The following NID2 variants were observed in gnomAD, a reference collection of about 807,000 sequenced individuals.
NID2 encodes the protein nidogen-2.
In NID2, 83 loss-of-function variants were observed where a neutral mutation model predicts 145.4. The ratio of observed to expected loss-of-function variants is 0.57; its 90% CI spans 0.48 to 0.69. NID2 has a LOEUF of 0.69. Ranked by LOEUF, NID2 falls within the 30% of genes least tolerant of loss-of-function variation. The pLI is 0.00. For missense variants in NID2, 1,807 were observed against 1,765.7 expected (o/e 1.02, Z -0.42); for synonymous variants, 739 against 701.3 (o/e 1.05, Z -0.85).
intron 2 of NID2, among the ~76,000 whole-genome samples, chr14:52,065,428 A>G (rs1264260872): frequency 6.7e-6 from 1 of 149,066 alleles, no homozygotes; most frequent in Non-Finnish European, 1.5e-5. Flanking sequence ...TTGAAAGAAC[A>G]TCCCCTATCC....
intron 15 of NID2, 84 bp from the exon 16 acceptor site, chr14:52,014,540 G>A (rs1403944695): frequency 6.5e-6 from 9 of 1,375,424 alleles, no homozygotes; most frequent in Non-Finnish European, 7.9e-6. Context: ...CCACATACCA[G>A]AGCCTCCAAA....
At chr14:52,063,325 C>G (rs1566777082) in intron 2 of NID2, among the ~76,000 whole-genome samples, 1 of 152,218 alleles carries the variant, frequency 6.6e-6, no homozygotes, top group Non-Finnish European at 1.5e-5. Flanking sequence ...AGAGGGGCCT[C>G]CACAGGGAGA....
chr14:52,020,041 T>C lies in NID2; in HGVS notation c.2794+18A>G. ...AGCTAAGAGATTCATGTGCCTAATC[T>C]GGCCCTCTGAAACTTACCAGGTATG... is the stretch of plus-strand genomic sequence containing the variant. On this transcript the variant is annotated intron_variant, in intron 13 of 21. Coordinates refer to ENST00000216286, the MANE Select transcript of NID2 (RefSeq NM_007361.4). 3 of 1,613,308 alleles carry C rather than the reference T, an allele frequency of 1.9e-6. No homozygotes were observed. The highest frequency in any genetic ancestry group is 2.5e-6 in the Non-Finnish European group (3 of 1,179,474).
intron 16 of NID2, 141 bp from the exon 17 acceptor site, chr14:52,011,824 T>C (rs1457005548): frequency 5.1e-6 from 5 of 971,202 alleles, no homozygotes; most frequent in Middle Eastern, 3.3e-4. Flanking sequence ...TAGCTGGACA[T>C]GTGGGCACTC....
At chr14:52,043,740 C>A (rs1420954502) in intron 5 of NID2, among the ~76,000 whole-genome samples, 2 of 152,018 alleles carry the variant, frequency 1.3e-5, no homozygotes, top group Admixed American at 1.3e-4. Context: ...AATGGGGAAA[C>A]TGGAGCAAAT....
At chr14:52,041,048 C>T (rs1436019917) in intron 7 of NID2, among the ~76,000 whole-genome samples, 197 bp from the exon 8 acceptor site, 1 of 152,166 alleles carries the variant, frequency 6.6e-6, no homozygotes, top group African/African-American at 2.4e-5. Context: ...ATGGTTTCAT[C>T]CTGCCTTACC....
intron 2 of NID2, among the ~76,000 whole-genome samples, chr14:52,066,620 T>A (rs1031289644): frequency 2.6e-5 from 4 of 151,992 alleles, no homozygotes; most frequent in South Asian, 2.1e-4. Context: ...AGAGTCCCCA[T>A]ACAAAAGATA....
At chr14:52,007,230 T>C (rs1200868603) in intron 19 of NID2, 1 of 154,348 alleles carries the variant, frequency 6.5e-6, no homozygotes, top group Non-Finnish European at 1.4e-5. Flanking sequence ...GAAATGTAAC[T>C]TGTTTTAAAC....
intron 11 of NID2, among the ~76,000 whole-genome samples, chr14:52,028,277 T>G (rs915995391): frequency 9.2e-4 from 27 of 29,286 alleles, no homozygotes; most frequent in East Asian, 2.8e-3. Flanking sequence ...TTTGTTGTTT[T>G]TTTTTTTGTT....
At position 52,011,021 on chromosome 14, in the gene NID2, T is replaced by C. The variant is rs1210352519; in HGVS notation, c.3577A>G (p.Ile1193Val). The change falls in exon 18 of 22, where the codon ATA (isoleucine) becomes GTA (valine). Residue 1193 changes from isoleucine to valine, a missense_variant. Ile to Val is a conservative substitution (Grantham distance 29). Transcript: ENST00000216286. ...SGLISPEGLA[I>V]DHIRRTMYWT... ...TACATTGTTCTGCGGATGTGGTCTA[T>C]GGCAAGTCCTTCAGGGCTTATCAGA... 2 of 1,614,176 alleles carry C rather than the reference T, an allele frequency of 1.2e-6. No individual in the cohort carries two copies. The highest frequency in any genetic ancestry group is 1.7e-6 in the Non-Finnish European group (2 of 1,180,012).
At chr14:52,053,321 T>C (rs952995379) in intron 5 of NID2, among the ~76,000 whole-genome samples, 1 of 152,178 alleles carries the variant, frequency 6.6e-6, no homozygotes, top group Non-Finnish European at 1.5e-5. Flanking sequence ...AACCCAGTTT[T>C]CCCCCACTCA....
At chr14:52,014,715 T>C (rs1555362290) in intron 15 of NID2, among the ~76,000 whole-genome samples, 2 of 151,386 alleles carry the variant, frequency 1.3e-5, no homozygotes, top group East Asian at 1.9e-4. Context: ...GATTTTTTTT[T>C]CAAGAGAAAA....
At chr14:52,041,189 AAAAC>A (rs1373533491) in intron 7 of NID2, among the ~76,000 whole-genome samples, 1 of 152,210 alleles carries the variant, frequency 6.6e-6, no homozygotes, top group African/African-American at 2.4e-5. Context: ...CAAAAAAACA[AAAAC>A]AAATAAACTA....
intron 12 of NID2, among the ~76,000 whole-genome samples, chr14:52,024,798 ATACT>A (rs905116339): frequency 3.5e-4 from 54 of 152,298 alleles, no homozygotes; most frequent in African/African-American, 1.3e-3. Flanking sequence ...AAAAATGACA[ATACT>A]TAAATTCCCA....
At chr14:52,050,541 C>A (rs907876650) in intron 5 of NID2, among the ~76,000 whole-genome samples, 53 of 152,170 alleles carry the variant, frequency 3.5e-4, no homozygotes, top group Non-Finnish European at 1.2e-4. Context: ...CCTTGCTAGA[C>A]AAGTCACTAA....
In NID2 at chr14:52,028,765, G is replaced by A; in HGVS notation, c.2487C>T (p.Cys829=). 3.7e-6 allele frequency: 6 copies of A among 1,613,938 alleles called. No individual in the cohort carries two copies. The highest frequency in any genetic ancestry group is 5.1e-6 in the Non-Finnish European group (6 of 1,179,918). The change falls in exon 11 of 22, where the codon TGC becomes TGT. Residue 829 remains cysteine (C), a synonymous_variant. Transcript: ENST00000216286. ...INLPGSYRCE[C]RSGYEFADDR... ...CATCTGCAAACTCATAACCACTCCG[G>A]CACTCACACCTGTAGCTTCCAGGCA...
In NID2 at chr14:52,006,599, G is replaced by GTTGT. The variant is rs1555361507; in HGVS notation, c.3938_3941dup (p.Asn1314LysfsTer31). ...TTACGATGCTGAAGGGGTACTTGAG[G>GTTGT]TTGTTTTGAATGACACGCCGTCCAG... is the stretch of plus-strand genomic sequence containing the variant. On this transcript the variant is annotated frameshift_variant, in exon 20 of 22. Coordinates refer to ENST00000216286, the MANE Select transcript of NID2 (RefSeq NM_007361.4). LOFTEE classifies it high-confidence loss of function. The GTTGT allele has an allele frequency of 1.2e-6, 2 of 1,613,788 alleles. No homozygotes were observed. The highest frequency in any genetic ancestry group is 8.5e-7 in the Non-Finnish European group (1 of 1,179,820).
intron 14 of NID2, 41 bp downstream of exon 14, chr14:52,019,020 C>A: frequency 6.6e-7 from 1 of 1,507,680 alleles, no homozygotes; most frequent in Non-Finnish European, 9.2e-7. Context: ...CTACCTACCA[C>A]CAGTGCCATT....
At chr14:52,062,584 C>T (rs778066488) in intron 2 of NID2, among the ~76,000 whole-genome samples, 16 of 152,170 alleles carry the variant, frequency 1.1e-4, no homozygotes, top group Non-Finnish European at 2.1e-4. Flanking sequence ...AGAAAAAACC[C>T]CATTTCAAAA....
Sources: gnomAD v4.1 joint callset for allele counts (sites outside exome capture counted in the v4.1 genomes callset) on GRCh38, gnomAD v4.1.1 for gene constraint, MANE v1.5 for transcripts, NCBI Gene and HGNC (gene_info 2026-07-23, HGNC 2026-07-21) for gene names.